The following RBFOX1 variants were observed in gnomAD, a reference collection of about 807,000 sequenced individuals.
RBFOX1 encodes the protein RNA binding fox-1 homolog 1.
In RBFOX1, 8 loss-of-function variants were observed where a neutral mutation model predicts 57.7. The observed-to-expected ratio is 0.14, with a 90% CI of 0.08 to 0.25. The LOEUF (loss-of-function observed/expected upper bound fraction) is 0.25, where lower values mean the gene tolerates loss of function less well. Among genes scored for constraint, RBFOX1 ranks in the 10% least tolerant of loss-of-function variants. RBFOX1 has a pLI of 1.00. For missense variants in RBFOX1, 611 were observed against 548.5 expected (o/e 1.11, Z -1.14); for synonymous variants, 326 against 222.4 (o/e 1.47, Z -4.15).
chr16:6,777,387 G>C (rs530022616), intron 3 of RBFOX1, among the ~76,000 whole-genome samples: 9 of 152,094 alleles, frequency 5.9e-5, no homozygotes, highest in Non-Finnish European at 1.3e-4. Flanking sequence ...AAAGAGAACC[G>C]AGGCAGGCGC....
intron 4 of RBFOX1, among the ~76,000 whole-genome samples, chr16:5,989,004 T>C (rs956615887): frequency 2.0e-5 from 3 of 152,028 alleles, no homozygotes; most frequent in Admixed American, 2.0e-4. Flanking sequence ...TCCAAATTGC[T>C]TTTCTTTAAA....
At chr16:7,179,604 T>TA (rs564159581) in intron 4 of RBFOX1, among the ~76,000 whole-genome samples, 3,393 of 152,122 alleles carry the variant, frequency 0.022, 63 homozygotes, top group Middle Eastern at 0.034. Context: ...CCTTTTTTTT[T>TA]TATATATTAA....
rs117045664 is a variant in RBFOX1 at position 5,756,599 on chromosome 16, C to T, written c.319-110704C>T. On this transcript the variant is annotated intron_variant, in intron 3 of 19. Coordinates refer to the RBFOX1 transcript ENST00000641259. Reference sequence around the variant, plus strand: ...TTCCTTCTGGAGCAATAAAATTTATCGTGGCTTAACTAATCTGGCACCATT... The same window carrying T: ...TTCCTTCTGGAGCAATAAAATTTATTGTGGCTTAACTAATCTGGCACCATT... Among the ~76,000 whole-genome samples the T allele has an allele frequency of 2.1e-3, 322 of 152,276 alleles. 4 individuals carry two copies. The East Asian group carries it at 0.037, about 18-fold the overall frequency.
At chr16:5,241,431 C>T (rs1452140592) in intron 1 of RBFOX1, among the ~76,000 whole-genome samples, 3 of 152,352 alleles carry the variant, frequency 2.0e-5, no homozygotes, top group African/African-American at 4.8e-5. Flanking sequence ...CCCTCTACCT[C>T]CCTCTTTTAC....
At chr16:6,589,405 G>A (rs1290025505) in intron 2 of RBFOX1, among the ~76,000 whole-genome samples, 1 of 152,178 alleles carries the variant, frequency 6.6e-6, no homozygotes, top group Non-Finnish European at 1.5e-5. Context: ...ATTATTTGGT[G>A]GGTAGGGGGT....
Position 5,909,090 on chromosome 16 carries a change from C to CTTTTTTTTTTTT in RBFOX1, c.351+41764_351+41775dup, listed in dbSNP as rs3041577. Among the ~76,000 whole-genome samples the CTTTTTTTTTTTT allele has an allele frequency of 5.2e-5, 6 of 116,382 alleles. 1 individual carries two copies. The highest frequency in any genetic ancestry group is 6.9e-5 in the African/African-American group (2 of 29,032). The allele number at this position is 116,382 out of a possible 152,430, so 76.4% of individuals were successfully genotyped here. ...ATCGGCTCCAACAGACTAAGCCCCC[C>CTTTTTTTTTTTT]TTTTTTTTTTTTTTTTTTTTGAGAC... On this transcript the variant is annotated intron_variant, in intron 4 of 19. Transcript: ENST00000641259.
At chr16:7,200,338 T>C (rs972243929) in intron 4 of RBFOX1, among the ~76,000 whole-genome samples, 1 of 152,328 alleles carries the variant, frequency 6.6e-6, no homozygotes, top group African/African-American at 2.4e-5. Context: ...GCCTGTCTTA[T>C]GGAAGAGCCT....
chr16:7,691,380 A>G lies in RBFOX1; in HGVS notation c.995+14542A>G, dbSNP rs552793822. 3.3e-5 allele frequency among the ~76,000 whole-genome samples: 5 copies of G among 151,718 alleles called. 1 individual carries two copies. The South Asian group carries it at 1.0e-3, about 32-fold the overall frequency. On this transcript the variant is annotated intron_variant, in intron 14 of 15. Coordinates refer to ENST00000550418, the MANE Select transcript of RBFOX1 (RefSeq NM_018723.4). ...TACACATAGGTTTTCAAAAAAAAAA[A>G]GTGGGGGAGAGAAAGAATGAAGGGA...
At chr16:5,978,764 T>G (rs2060118447) in intron 4 of RBFOX1, among the ~76,000 whole-genome samples, 1 of 151,966 alleles carries the variant, frequency 6.6e-6, no homozygotes, top group Admixed American at 6.6e-5. Flanking sequence ...AGTCTGGGTT[T>G]GGCTGATGTG....
intron 3 of RBFOX1, among the ~76,000 whole-genome samples, chr16:6,661,294 C>G (rs984868392): frequency 2.0e-5 from 3 of 152,150 alleles, no homozygotes; most frequent in Admixed American, 6.5e-5. Context: ...TAATTCCAGG[C>G]TCTGTCGGTC....
At chr16:6,924,329 A>G (rs2153459764) in intron 3 of RBFOX1, among the ~76,000 whole-genome samples, 1 of 152,064 alleles carries the variant, frequency 6.6e-6, no homozygotes, top group African/African-American at 2.4e-5. Flanking sequence ...TCCACTCATC[A>G]TGGGAGGCAT....
chr16:7,528,951 A>C (rs1296637420), intron 5 of RBFOX1, among the ~76,000 whole-genome samples: 1 of 152,190 alleles, frequency 6.6e-6, no homozygotes, highest in Non-Finnish European at 1.5e-5. Context: ...TAAAAAGATC[A>C]CATAAGTTAT....
At chr16:6,724,204 T>C (rs1270026822) in intron 3 of RBFOX1, among the ~76,000 whole-genome samples, 4 of 146,352 alleles carry the variant, frequency 2.7e-5, no homozygotes. Context: ...AGAAGGCATC[T>C]TCCATTTTTT....
intron 1 of RBFOX1, among the ~76,000 whole-genome samples, chr16:6,145,875 ACT>A (rs781391046): frequency 7.2e-5 from 11 of 151,860 alleles, no homozygotes; most frequent in Non-Finnish European, 1.5e-4. Flanking sequence ...CCTTGACAAG[ACT>A]CTCTCACTCC....
intron 3 of RBFOX1, among the ~76,000 whole-genome samples, chr16:6,983,374 A>G (rs990090439): frequency 4.6e-5 from 7 of 151,984 alleles, no homozygotes; most frequent in African/African-American, 1.7e-4. Context: ...GTGGTCTTTG[A>G]AAAAGCTAGG....
chr16:6,322,762 C>T (rs1167619313), intron 2 of RBFOX1, among the ~76,000 whole-genome samples: 1 of 152,098 alleles, frequency 6.6e-6, no homozygotes, highest in Non-Finnish European at 1.5e-5. Context: ...TAAAAGGCGC[C>T]AGTTGGAATA....
At chr16:5,274,865 C>G (rs2063104110) in intron 1 of RBFOX1, among the ~76,000 whole-genome samples, 1 of 152,160 alleles carries the variant, frequency 6.6e-6, no homozygotes, top group African/African-American at 2.4e-5. Flanking sequence ...ATGTCAGGGT[C>G]TAGTAGGGGA....
chr16:6,978,576 C>T (rs138115151), intron 3 of RBFOX1, among the ~76,000 whole-genome samples: 1 of 152,124 alleles, frequency 6.6e-6, no homozygotes. Flanking sequence ...TTTCTCCTTT[C>T]TATATTCTGG....
chr16:6,944,758 T>C (rs1428589762), intron 3 of RBFOX1, among the ~76,000 whole-genome samples: 1 of 152,170 alleles, frequency 6.6e-6, no homozygotes, highest in Non-Finnish European at 1.5e-5. Context: ...CCTGTTGCCA[T>C]AGTACCCTCA....
Sources: gnomAD v4.1 joint callset for allele counts (sites outside exome capture counted in the v4.1 genomes callset) on GRCh38, gnomAD v4.1.1 for gene constraint, MANE v1.5 for transcripts, NCBI Gene and HGNC (gene_info 2026-07-23, HGNC 2026-07-21) for gene names.